Variants in MEF2C observed in about 807,000 individuals in gnomAD.
MEF2C encodes myocyte enhancer factor 2C.
MEF2C carries 6 observed loss-of-function variants against 50.5 expected under a neutral mutation model. The observed-to-expected ratio is 0.12, with a 90% CI of 0.07 to 0.23. The LOEUF (loss-of-function observed/expected upper bound fraction) is 0.23, where lower values mean the gene tolerates loss of function less well. Ranked by LOEUF, MEF2C falls within the 10% of genes least tolerant of loss-of-function variation. MEF2C has a pLI of 1.00. For synonymous variants in MEF2C, 183 were observed against 228.0 expected, an observed-to-expected ratio of 0.80 and a Z score of 1.78; for missense variants, 276 against 605.0, an observed-to-expected ratio of 0.46 and a Z score of 5.70.
At chr5:88,789,798 A>G (rs1057177453) in intron 3 of MEF2C, among the ~76,000 whole-genome samples, 5 of 152,190 alleles carry the variant, frequency 3.3e-5, no homozygotes, top group Non-Finnish European at 7.3e-5. Context: ...AAATAGCTAT[A>G]AAATGGGGTA....
At chr5:88,778,485 T>G (rs764255626) in intron 3 of MEF2C, among the ~76,000 whole-genome samples, 13 of 152,130 alleles carry the variant, frequency 8.5e-5, no homozygotes, top group Non-Finnish European at 1.5e-4. Context: ...AGACTACATT[T>G]TCTCTTGGGT....
chr5:88,852,139 G>A (rs1821584037), intron 1 of MEF2C, among the ~76,000 whole-genome samples: 1 of 152,090 alleles, frequency 6.6e-6, no homozygotes, highest in Admixed American at 6.6e-5. Flanking sequence ...AAGAATTTTA[G>A]AACTGTATGT....
At chr5:88,829,044 T>A (rs1812017843) in intron 1 of MEF2C, among the ~76,000 whole-genome samples, 1 of 152,006 alleles carries the variant, frequency 6.6e-6, no homozygotes, top group Admixed American at 6.6e-5. Flanking sequence ...ACTAGATAAA[T>A]ACCATCATGC....
At chr5:88,774,278 A>G (rs1425882485) in intron 3 of MEF2C, among the ~76,000 whole-genome samples, 2 of 152,214 alleles carry the variant, frequency 1.3e-5, no homozygotes, top group African/African-American at 4.8e-5. Context: ...TCCAAAACTC[A>G]CAGCAGTAAA....
intron 2 of MEF2C, among the ~76,000 whole-genome samples, chr5:88,823,126 A>G (rs1163692245): frequency 4.6e-5 from 7 of 151,976 alleles, no homozygotes; most frequent in Admixed American, 3.3e-4. Flanking sequence ...GAAAAAAATT[A>G]TAACACCATC....
At chr5:88,777,114 G>A (rs1216904228) in intron 3 of MEF2C, among the ~76,000 whole-genome samples, 1 of 152,080 alleles carries the variant, frequency 6.6e-6, no homozygotes, top group East Asian at 1.9e-4. Flanking sequence ...CAGTTATTTT[G>A]TTAGTTCAGT....
chr5:88,762,354 T>C (rs1778252255), intron 3 of MEF2C, among the ~76,000 whole-genome samples: 1 of 152,222 alleles, frequency 6.6e-6, no homozygotes, highest in African/African-American at 2.4e-5. Flanking sequence ...CTTGGCTCAC[T>C]ACAACCTCTG....
chr5:88,822,630 T>G (rs2153220076), intron 2 of MEF2C, among the ~76,000 whole-genome samples: 1 of 152,096 alleles, frequency 6.6e-6, no homozygotes, highest in Admixed American at 6.6e-5. Flanking sequence ...AGTTTACACA[T>G]GAAACAACAT....
intron 1 of MEF2C, among the ~76,000 whole-genome samples, chr5:88,889,694 G>C (rs1343376655): frequency 6.6e-6 from 1 of 152,080 alleles, no homozygotes; most frequent in Admixed American, 6.6e-5. Flanking sequence ...TGGTAAAGAG[G>C]GTGCGTGATG....
At chr5:88,805,360 T>C (rs557578237) in intron 2 of MEF2C, among the ~76,000 whole-genome samples, 1 of 152,356 alleles carries the variant, frequency 6.6e-6, no homozygotes, top group East Asian at 1.9e-4. Flanking sequence ...CATCATATGC[T>C]TAGGGTTTTG....
chr5:88,883,793 A>C (rs1215198042), upstream of MEF2C: 1 of 152,246 alleles, frequency 6.6e-6, no homozygotes, highest in African/African-American at 2.4e-5. Context: ...GCATTTTAAT[A>C]AAACAAACAT....
chr5:88,751,875 G>A lies in MEF2C; in HGVS notation c.571C>T (p.Pro191Ser). 1.2e-6 allele frequency: 2 copies of A among 1,613,902 alleles called. No individual in the cohort carries two copies. Among genetic ancestry groups the A allele is most frequent in the South Asian group, 1.1e-5 (1 of 91,072 alleles). ...GACATACCTGTGTTACCTGCACTTG[G>A]AGGTCGATGTGTTACACCAGGAGAC... ...SMSPGVTHRPPSAGNTGGLMG... is the reference protein window; with the variant it reads ...SMSPGVTHRPSSAGNTGGLMG... Residue 191 changes from proline to serine, a missense_variant, in exon 5 of 11, where the codon CCA becomes TCA. Coordinates refer to ENST00000504921, the MANE Select transcript of MEF2C (RefSeq NM_002397.5).
intron 1 of MEF2C, among the ~76,000 whole-genome samples, chr5:88,882,360 G>T (rs1833169879): frequency 6.6e-6 from 1 of 152,130 alleles, no homozygotes; most frequent in Admixed American, 6.5e-5. Flanking sequence ...ACTATGGCAG[G>T]GATATTACTT....
rs538922207 is a variant in MEF2C, at chr5:88,751,723, C to T, written c.589+134G>A. 37 of 1,115,142 alleles carry T rather than the reference C, an allele frequency of 3.3e-5. 1 individual carries two copies. The highest frequency in any genetic ancestry group is 1.7e-4 in the East Asian group (7 of 40,386). 69.1% of individuals were successfully genotyped at this position (1,115,142 alleles called of 1,614,324 possible). ...GCTCTATCATGCAGGAGACCTAGCT[C>T]GGGGGTGGATGGTAAGCCATGAAGG... On this transcript the variant is annotated intron_variant, in intron 5 of 10. Coordinates refer to ENST00000504921, the MANE Select transcript of MEF2C (RefSeq NM_002397.5).
chr5:88,809,908 C>T (rs903409496), intron 2 of MEF2C, among the ~76,000 whole-genome samples: 1 of 152,108 alleles, frequency 6.6e-6, no homozygotes, highest in African/African-American at 2.4e-5. Context: ...AGATAAAACT[C>T]ATTCCTTTCT....
At chr5:88,723,627 G>A (rs910317176) in intron 10 of MEF2C, among the ~76,000 whole-genome samples, 9 of 152,202 alleles carry the variant, frequency 5.9e-5, no homozygotes, top group Non-Finnish European at 8.8e-5. Flanking sequence ...CTGATAATTT[G>A]ACTTTCTTCA....
intron 1 of MEF2C, among the ~76,000 whole-genome samples, chr5:88,838,983 A>G (rs1167847846): frequency 6.6e-6 from 1 of 152,184 alleles, no homozygotes; most frequent in Non-Finnish European, 1.5e-5. Flanking sequence ...TACTAATTGT[A>G]TAAGAACAGC....
intron 6 of MEF2C, 190 bp downstream of exon 6, chr5:88,748,880 A>C (rs1285439987): frequency 2.0e-6 from 2 of 985,254 alleles, no homozygotes; most frequent in African/African-American, 3.5e-5. Flanking sequence ...TAGTTAATAA[A>C]TAGTTTTCTT....
chr5:88,875,000 A>C (rs1241985431), intron 1 of MEF2C, among the ~76,000 whole-genome samples: 1 of 151,984 alleles, frequency 6.6e-6, no homozygotes, highest in African/African-American at 2.4e-5. Context: ...ACTGATTGAA[A>C]GGAGCCATGG....
Sources: gnomAD v4.1 joint callset for allele counts (sites outside exome capture counted in the v4.1 genomes callset) on GRCh38, gnomAD v4.1.1 for gene constraint, MANE v1.5 for transcripts, NCBI Gene and HGNC (gene_info 2026-07-23, HGNC 2026-07-21) for gene names.